Variants in TM9SF3 observed in about 807,000 individuals in gnomAD.
The protein encoded by TM9SF3 is SM-11044-binding protein.
A neutral mutation model predicts 78.6 loss-of-function variants in TM9SF3; 14 were observed. The observed-to-expected ratio is 0.18, with a 90% CI of 0.12 to 0.28. The LOEUF is 0.28. TM9SF3 is among the 10% of genes least tolerant of loss of function. The pLI, the probability that TM9SF3 is intolerant of heterozygous loss-of-function variation, is 1.00. For missense variants in TM9SF3, 496 were observed against 721.9 expected (o/e 0.69, Z 3.59); for synonymous variants, 231 against 241.7 (o/e 0.96, Z 0.41).
intron 10 of TM9SF3, among the ~76,000 whole-genome samples, chr10:96,532,843 C>T (rs945550551): frequency 1.3e-5 from 2 of 152,002 alleles, no homozygotes; most frequent in African/African-American, 2.4e-5. Context: ...CTAAATGGCA[C>T]GATATTCAGA....
At chr10:96,584,396 G>C (rs571050919) in intron 1 of TM9SF3, among the ~76,000 whole-genome samples, 1 of 152,294 alleles carries the variant, frequency 6.6e-6, no homozygotes, top group South Asian at 2.1e-4. Flanking sequence ...AAGAAATTTA[G>C]AAAAAGCAAA....
intron 9 of TM9SF3, 38 bp from the exon 10 acceptor site, chr10:96,533,228 C>T: frequency 6.3e-7 from 1 of 1,591,586 alleles, no homozygotes. Context: ...ACTCAGAGAA[C>T]AATAACATTA....
intron 5 of TM9SF3, among the ~76,000 whole-genome samples, chr10:96,557,426 A>C (rs1848247410): frequency 1.0e-5 from 1 of 97,942 alleles, no homozygotes; most frequent in Non-Finnish European, 2.1e-5. Flanking sequence ...AAATATACTC[A>C]CAATCTAACA....
chr10:96,545,615 C>T (rs1315892856), intron 8 of TM9SF3, among the ~76,000 whole-genome samples: 8 of 152,200 alleles, frequency 5.3e-5, no homozygotes, highest in African/African-American at 9.7e-5. Flanking sequence ...TGTGGCCGGG[C>T]GTGGTGGCTC....
chr10:96,540,929 C>A lies in TM9SF3; in HGVS notation c.1185+3147G>T, dbSNP rs538570521. Among the ~76,000 whole-genome samples the A allele has an allele frequency of 1.6e-4, 25 of 151,720 alleles. No individual in the cohort carries two copies. The Middle Eastern group carries it at 0.01, about 62-fold the overall frequency. ...AGTAGCTGGAATTACAAGTGCCCAC[C>A]ACCACACCTGGCTAATTTTTGTATT... On this transcript the variant is annotated intron_variant, in intron 9 of 14. Transcript: ENST00000371142.
Position 96,543,072 on chromosome 10 carries a change from T to C in TM9SF3, c.1185+1004A>G, listed in dbSNP as rs529562063. Among the ~76,000 whole-genome samples the C allele has an allele frequency of 1.1e-4, 16 of 152,328 alleles. No homozygotes were observed. The South Asian group carries it at 3.1e-3, about 30-fold the overall frequency. On this transcript the variant is annotated intron_variant, in intron 9 of 14. Transcript: ENST00000371142. ...GCTCTGTTAAAAGCAGTAACCACCC[T>C]GCAACTTGCATTGGCATATATACGT...
intron 4 of TM9SF3, 106 bp downstream of exon 4, chr10:96,561,872 G>T: frequency 2.3e-6 from 2 of 886,294 alleles, no homozygotes; most frequent in Non-Finnish European, 3.5e-6. Flanking sequence ...ATATTCTGTT[G>T]CATCCCATTT....
chr10:96,544,243 T>C (rs1190762600), intron 8 of TM9SF3, 37 bp from the exon 9 acceptor site: 1 of 1,490,652 alleles, frequency 6.7e-7, no homozygotes, highest in African/African-American at 1.4e-5. Flanking sequence ...TTAATATAAT[T>C]ATTTAGTACG....
At chr10:96,541,242 C>A (rs931986278) in intron 9 of TM9SF3, among the ~76,000 whole-genome samples, 2 of 152,184 alleles carry the variant, frequency 1.3e-5, no homozygotes, top group Non-Finnish European at 2.9e-5. Flanking sequence ...AAACCCTTTT[C>A]CAGAACATCT....
rs373991652 is a variant in TM9SF3 at position 96,579,064 on chromosome 10, C to T, written c.103-2235G>A. 7.2e-5 allele frequency among the ~76,000 whole-genome samples: 11 copies of T among 152,234 alleles called. No homozygotes were observed. The East Asian group carries it at 9.6e-4, about 13-fold the overall frequency. ...CTGCACTCCAGTCTGGGTAACAGGG[C>T]GAGACTCAGTCTCACAAGAAGAACC... On this transcript the variant is annotated intron_variant, in intron 1 of 14. Transcript: ENST00000371142.
At chr10:96,576,904 G>A in intron 1 of TM9SF3, 75 bp from the exon 2 acceptor site, 2 of 1,259,764 alleles carry the variant, frequency 1.6e-6, no homozygotes, top group South Asian at 1.9e-5. Context: ...TTTGTTGTGT[G>A]TTCTAAACAA....
Position 96,536,038 on chromosome 10 carries a change from CA to C in TM9SF3, c.1186-2849del, listed in dbSNP as rs144778831. 8.0e-3 allele frequency among the ~76,000 whole-genome samples: 1,210 copies of C among 152,036 alleles called. 20 individuals carry two copies. Among genetic ancestry groups the C allele is most frequent in the African/African-American group, 0.028 (1,159 of 41,506 alleles). On this transcript the variant is annotated intron_variant, in intron 9 of 14. Transcript: ENST00000371142. ...AAAATTAATACTTTCACCATATTTT[CA>C]GAATTAAAAAAGAAAAATCACAGAT...
intron 4 of TM9SF3, chr10:96,560,305 C>T: frequency 1.3e-6 from 1 of 750,602 alleles, no homozygotes; most frequent in Admixed American, 1.7e-5. Context: ...AAATGAGCAC[C>T]AATTATCTTT....
At chr10:96,551,547 T>C (rs1012075866) in intron 6 of TM9SF3, 136 bp from the exon 7 acceptor site, 7 of 557,800 alleles carry the variant, frequency 1.3e-5, no homozygotes, top group Non-Finnish European at 1.4e-5. Flanking sequence ...ATTGAGAAAG[T>C]ATATTCCAAA....
intron 9 of TM9SF3, among the ~76,000 whole-genome samples, chr10:96,533,679 C>T (rs886356569): frequency 4.6e-5 from 7 of 152,108 alleles, no homozygotes; most frequent in Admixed American, 2.6e-4. Context: ...GAGAGCCAGA[C>T]CAAAATTTCA....
chr10:96,560,144 C>A, intron 4 of TM9SF3: 1 of 737,922 alleles, frequency 1.4e-6, no homozygotes, highest in Non-Finnish European at 2.4e-6. Flanking sequence ...TCATTTATCT[C>A]CGTCTGCCTT....
intron 9 of TM9SF3, among the ~76,000 whole-genome samples, chr10:96,534,743 T>C (rs920234591): frequency 5.3e-5 from 8 of 152,188 alleles, no homozygotes; most frequent in Non-Finnish European, 8.8e-5. Flanking sequence ...TTGAAAATAG[T>C]TTCTTTTTAA....
chr10:96,531,413 T>TTA, intron 10 of TM9SF3, among the ~76,000 whole-genome samples: 1 of 152,128 alleles, frequency 6.6e-6, no homozygotes, highest in South Asian at 2.1e-4. Context: ...CCTCACTAGA[T>TTA]TATAAACCCT....
At chr10:96,541,796 G>A (rs1182574496) in intron 9 of TM9SF3, among the ~76,000 whole-genome samples, 1 of 152,218 alleles carries the variant, frequency 6.6e-6, no homozygotes, top group Non-Finnish European at 1.5e-5. Context: ...CTGGGGAAGA[G>A]CACTTAGGAG....
Sources: gnomAD v4.1 joint callset for allele counts (sites outside exome capture counted in the v4.1 genomes callset) on GRCh38, gnomAD v4.1.1 for gene constraint, MANE v1.5 for transcripts, NCBI Gene and HGNC (gene_info 2026-07-23, HGNC 2026-07-21) for gene names.